CENPW: variants seen among roughly 807,000 people sequenced by gnomAD.
CENPW encodes the protein cancer-up-regulated gene 2 protein.
In CENPW, 3 loss-of-function variants were observed where a neutral mutation model predicts 11.1. That is an observed-to-expected ratio of 0.27 (90% CI 0.12 to 0.70). The LOEUF (loss-of-function observed/expected upper bound fraction) is 0.70. CENPW is among the 30% of genes least tolerant of loss of function. The probability of loss-of-function intolerance (pLI) is 0.77; values close to 1 mark genes in which losing one functional copy is unlikely to be tolerated. For missense variants in CENPW, 100 were observed against 105.6 expected, an observed-to-expected ratio of 0.95 and a Z score of 0.23; for synonymous variants, 38 against 42.0, an observed-to-expected ratio of 0.91 and a Z score of 0.37.
At chr6:126,454,855 C>T in the CENPW span, among the ~76,000 whole-genome samples, 1 of 150,804 alleles carries the variant, frequency 6.6e-6, no homozygotes, top group Non-Finnish European at 1.5e-5. Context: ...AAAGAAGATC[C>T]AAATAAATGC....
At chr6:126,414,874 A>T in the CENPW span, among the ~76,000 whole-genome samples, 3 of 152,002 alleles carry the variant, frequency 2.0e-5, no homozygotes, top group Admixed American at 2.0e-4. Context: ...AGTTTAGGAA[A>T]AAAAGAAGAC....
chr6:126,346,301 G>A lies in CENPW; in HGVS notation c.223G>A (p.Val75Ile), dbSNP rs1182087591. ...SKCRVINKEH[V>I]LAAAKVILKK... is the part of the protein sequence containing the mutation. The stretch of plus-strand genomic sequence containing the variant: ...ATGTAGAGTCATTAACAAGGAGCAT[G>A]TACTGGCCGCAGCAAAGGTAAAATC... Residue 75 changes from valine to isoleucine, a missense_variant, in exon 2 of 3, where the codon GTA becomes ATA. Val to Ile is a conservative substitution (Grantham distance 29). Transcript: ENST00000368328. 1.3e-6 allele frequency: 2 copies of A among 1,596,804 alleles called. No individual in the cohort carries two copies. The highest frequency in any genetic ancestry group is 2.2e-5 in the East Asian group (1 of 44,660).
At chr6:126,357,325 A>G in the CENPW span, among the ~76,000 whole-genome samples, 1 of 152,144 alleles carries the variant, frequency 6.6e-6, no homozygotes, top group Non-Finnish European at 1.5e-5. Flanking sequence ...TGTTTTGATT[A>G]CTGTAGCCTT....
At chr6:126,404,079 A>G in the CENPW span, among the ~76,000 whole-genome samples, 1 of 152,074 alleles carries the variant, frequency 6.6e-6, no homozygotes, top group Non-Finnish European at 1.5e-5. Context: ...CTGGATGATG[A>G]CACATCTGTT....
chr6:126,462,519 C>A, the CENPW span, among the ~76,000 whole-genome samples: 1 of 147,460 alleles, frequency 6.8e-6, no homozygotes, highest in African/African-American at 2.5e-5. Flanking sequence ...TTCTCTCTCT[C>A]TCTCTCTCTC....
At chr6:126,417,335 TCA>T in the CENPW span, among the ~76,000 whole-genome samples, 1 of 152,200 alleles carries the variant, frequency 6.6e-6, no homozygotes, top group Non-Finnish European at 1.5e-5. Flanking sequence ...AAGGGACTTG[TCA>T]CAGATGAGAC....
the CENPW span, among the ~76,000 whole-genome samples, chr6:126,389,548 T>TAC: frequency 1.7e-4 from 25 of 151,170 alleles, no homozygotes; most frequent in Non-Finnish European, 1.0e-4. Flanking sequence ...GCAATCAAGC[T>TAC]ACACACACAC....
At chr6:126,356,968 TG>T in the CENPW span, among the ~76,000 whole-genome samples, 1 of 152,170 alleles carries the variant, frequency 6.6e-6, no homozygotes, top group South Asian at 2.1e-4. Context: ...TGTCAATTTT[TG>T]TTGTTGTTGC....
chr6:126,351,680 T>A (rs1333693102), downstream of CENPW, among the ~76,000 whole-genome samples: 1 of 152,146 alleles, frequency 6.6e-6, no homozygotes, highest in Non-Finnish European at 1.5e-5. Context: ...TTTGGCCACA[T>A]ATTTTCCTTT....
chr6:126,423,021 A>G, the CENPW span, among the ~76,000 whole-genome samples: 1 of 152,130 alleles, frequency 6.6e-6, no homozygotes, highest in African/African-American at 2.4e-5. Context: ...TGATAAAGGA[A>G]GTGTTTTGTC....
At chr6:126,403,914 G>T in the CENPW span, among the ~76,000 whole-genome samples, 1 of 152,064 alleles carries the variant, frequency 6.6e-6, no homozygotes, top group Admixed American at 6.6e-5. Context: ...GATAATGCCT[G>T]ACTTTAAGGA....
At chr6:126,468,994 G>T in the CENPW span, among the ~76,000 whole-genome samples, 1 of 152,178 alleles carries the variant, frequency 6.6e-6, no homozygotes, top group East Asian at 1.9e-4. Flanking sequence ...GTAGAGACAA[G>T]GTTTCACCAG....
At chr6:126,345,473 C>G (rs543571908) in intron 1 of CENPW, among the ~76,000 whole-genome samples, 1 of 151,944 alleles carries the variant, frequency 6.6e-6, no homozygotes, top group African/African-American at 2.4e-5. Context: ...ATTATAGACT[C>G]AAAAGGTGCA....
the CENPW span, among the ~76,000 whole-genome samples, chr6:126,425,684 T>C: frequency 6.6e-6 from 1 of 152,024 alleles, no homozygotes; most frequent in Non-Finnish European, 1.5e-5. Flanking sequence ...TGAGGATAAG[T>C]AGTGCTTCTC....
chr6:126,383,028 G>T, the CENPW span, among the ~76,000 whole-genome samples: 1 of 152,118 alleles, frequency 6.6e-6, no homozygotes, highest in African/African-American at 2.4e-5. Context: ...TAAAGAGAAA[G>T]AATGGTTATC....
chr6:126,464,505 G>C, the CENPW span, among the ~76,000 whole-genome samples: 3 of 152,128 alleles, frequency 2.0e-5, no homozygotes, highest in Non-Finnish European at 2.9e-5. Flanking sequence ...CAGTGTGATA[G>C]AATAAAGCAG....
At chr6:126,389,485 A>G in the CENPW span, among the ~76,000 whole-genome samples, 1 of 151,686 alleles carries the variant, frequency 6.6e-6, no homozygotes, top group South Asian at 2.1e-4. Context: ...TTTCTTTTCC[A>G]TTTCTGCAAC....
chr6:126,357,663 C>G, the CENPW span, among the ~76,000 whole-genome samples: 2 of 151,500 alleles, frequency 1.3e-5, no homozygotes, highest in African/African-American at 4.9e-5. Flanking sequence ...GCCTGTAGTG[C>G]AGTGGTGCAA....
the CENPW span, among the ~76,000 whole-genome samples, chr6:126,456,936 A>G: frequency 2.0e-5 from 3 of 151,750 alleles, no homozygotes; most frequent in Non-Finnish European, 3.0e-5. Context: ...CTACAGGCAC[A>G]TGAAAACATG....
Sources: allele counts gnomAD v4.1 joint callset (sites outside exome capture counted in the v4.1 genomes callset), GRCh38; gene constraint gnomAD v4.1.1; transcripts MANE v1.5; gene names NCBI Gene and HGNC (gene_info 2026-07-23, HGNC 2026-07-21).